Variants in STAB2 observed in about 807,000 individuals in gnomAD.
The protein encoded by STAB2 is stabilin 2.
STAB2 carries 288 observed loss-of-function variants against 338.1 expected under a neutral mutation model. The ratio of observed to expected loss-of-function variants is 0.85; its 90% CI spans 0.77 to 0.94. The LOEUF (loss-of-function observed/expected upper bound fraction) is 0.94, where lower values mean the gene tolerates loss of function less well. Among genes scored for constraint, STAB2 ranks in the 40% least tolerant of loss-of-function variants. STAB2 has a pLI of 0.00. For synonymous variants in STAB2, 1,202 were observed against 1,193.3 expected (o/e 1.01, Z -0.15); for missense variants, 3,141 against 3,210.1 (o/e 0.98, Z 0.52).
At chr12:103,627,416 G>A (rs780357371) in intron 5 of STAB2, among the ~76,000 whole-genome samples, 1 of 152,208 alleles carries the variant, frequency 6.6e-6, no homozygotes, top group African/African-American at 2.4e-5. Context: ...TGTCACAGGA[G>A]CATACCATCC....
chr12:103,762,533 C>G, intron 67 of STAB2, 131 bp downstream of exon 67: 1 of 1,387,780 alleles, frequency 7.2e-7, no homozygotes, highest in Non-Finnish European at 9.9e-7. Flanking sequence ...GTAGCAGGGG[C>G]GGCCACCCAC....
In STAB2 at chr12:103,587,515, G is replaced by C. The variant is rs140037467; in HGVS notation, c.39G>C (p.Leu13Phe). 2 of 1,614,038 alleles carry C rather than the reference G, an allele frequency of 1.2e-6. No homozygotes were observed. Among genetic ancestry groups the C allele is most frequent in the East Asian group, 2.2e-5 (1 of 44,874 alleles). The change falls in exon 1 of 69, where the codon TTG becomes TTC. Residue 13 changes from leucine (L) to phenylalanine (F), a missense_variant. By Grantham distance (22) the Leu-to-Phe change is conservative. Coordinates refer to ENST00000388887, the MANE Select transcript of STAB2 (RefSeq NM_017564.10). ...LQHLVIFCLG[L>F]VVQNFCSPAE... ...ATTTAGTAATTTTTTGTCTTGGATT[G>C]GTTGTACAAAATTTCTGCTCCCCAG...
chr12:103,620,867 T>G (rs185042131), intron 4 of STAB2, among the ~76,000 whole-genome samples: 1 of 151,860 alleles, frequency 6.6e-6, no homozygotes, highest in African/African-American at 2.4e-5. Flanking sequence ...GGAGGCCGAG[T>G]GGGGGAGGAT....
intron 52 of STAB2, among the ~76,000 whole-genome samples, chr12:103,737,052 A>G (rs775054222): frequency 2.6e-5 from 4 of 152,226 alleles, no homozygotes; most frequent in Non-Finnish European, 5.9e-5. Context: ...TCACTTGTAC[A>G]CCCTGGAAAG....
intron 48 of STAB2, 34 bp downstream of exon 48, chr12:103,729,029 C>A: frequency 6.2e-7 from 1 of 1,608,570 alleles, no homozygotes; most frequent in South Asian, 1.1e-5. Context: ...CCTCTCTCCC[C>A]TAGATCATGT....
In STAB2 at chr12:103,706,836, CTGCCCAGGGAA is replaced by C. The variant is rs1879404539; in HGVS notation, c.4049_4059del (p.Gly1350GlufsTer6). 1 of 1,614,140 alleles carries C rather than the reference CTGCCCAGGGAA, an allele frequency of 6.2e-7. No homozygotes were observed. The highest frequency in any genetic ancestry group is 1.3e-5 in the African/African-American group (1 of 74,948). On this transcript the variant is annotated frameshift_variant, in exon 38 of 69. Transcript: ENST00000388887. LOFTEE classifies it high-confidence loss of function. Reference sequence around the variant, plus strand: ...GCTTCTTTGGCCCCCAATGCCAGCCCTGCCCAGGGAATGCCCAGAATGTCTGCTTTGGTAAT... The same window carrying C: ...GCTTCTTTGGCCCCCAATGCCAGCCCTGCCCAGAATGTCTGCTTTGGTAAT...
intron 21 of STAB2, among the ~76,000 whole-genome samples, chr12:103,669,846 A>G (rs78473188): frequency 0.011 from 1,646 of 152,198 alleles, 32 homozygotes; most frequent in African/African-American, 0.037. Flanking sequence ...CTGCTTCTCT[A>G]TTGCGGGCTG....
In STAB2 at chr12:103,762,311, T is replaced by C. The variant is rs775079594; in HGVS notation, c.7397T>C (p.Phe2466Ser). 2 of 1,614,220 alleles carry C rather than the reference T, an allele frequency of 1.2e-6. No homozygotes were observed. The highest frequency in any genetic ancestry group is 1.1e-5 in the South Asian group (1 of 91,088). Residue 2466 changes from phenylalanine to serine, a missense_variant, in exon 67 of 69, where the codon TTT becomes TCT. Transcript: ENST00000388887. ...THTGLGAGIFFAIILVTGAVA... is the reference protein window; with the variant it reads ...THTGLGAGIFSAIILVTGAVA... ...ACTGGCTTGGGAGCAGGGATCTTCT[T>C]TGCCATCATCCTGGTGACTGGGGCT...
At chr12:103,698,749 G>A (rs374558874) in intron 33 of STAB2, among the ~76,000 whole-genome samples, 16 of 152,252 alleles carry the variant, frequency 1.1e-4, no homozygotes, top group African/African-American at 3.1e-4. Flanking sequence ...TCGTGCCCCA[G>A]AGGTGAAAGG....
intron 49 of STAB2, among the ~76,000 whole-genome samples, chr12:103,730,495 T>C (rs891503455): frequency 9.2e-5 from 14 of 152,198 alleles, no homozygotes; most frequent in Non-Finnish European, 2.1e-4. Context: ...TAGTCTTACA[T>C]AGGTTTAGAA....
intron 52 of STAB2, among the ~76,000 whole-genome samples, chr12:103,735,964 TGTCA>T (rs1593302559): frequency 1.3e-5 from 2 of 152,170 alleles, no homozygotes; most frequent in Non-Finnish European, 2.9e-5. Flanking sequence ...AACCCTCTCT[TGTCA>T]GTCAGGGCCA....
intron 25 of STAB2, among the ~76,000 whole-genome samples, chr12:103,678,349 C>G (rs931912479): frequency 1.3e-5 from 2 of 152,194 alleles, no homozygotes; most frequent in African/African-American, 4.8e-5. Context: ...CCTAACCTTG[C>G]TCACCATGAT....
At chr12:103,632,985 C>T (rs1485108538) in intron 6 of STAB2, among the ~76,000 whole-genome samples, 2 of 152,190 alleles carry the variant, frequency 1.3e-5, no homozygotes, top group Non-Finnish European at 2.9e-5. Flanking sequence ...TTATTGGAAG[C>T]GGTTGAGATG....
chr12:103,695,870 GA>G (rs1349715529), intron 33 of STAB2, 26 bp downstream of exon 33: 4 of 1,602,640 alleles, frequency 2.5e-6, no homozygotes, highest in Non-Finnish European at 3.4e-6. Flanking sequence ...TATAACTAGG[GA>G]AGTTATTTTG....
At chr12:103,753,951 G>C (rs533085403) in intron 61 of STAB2, among the ~76,000 whole-genome samples, 1 of 152,328 alleles carries the variant, frequency 6.6e-6, no homozygotes, top group Non-Finnish European at 1.5e-5. Flanking sequence ...GAAGGAAACG[G>C]AGCTCTTTGA....
intron 25 of STAB2, among the ~76,000 whole-genome samples, chr12:103,679,453 C>G (rs993296438): frequency 6.6e-6 from 1 of 152,168 alleles, no homozygotes; most frequent in African/African-American, 2.4e-5. Flanking sequence ...ATGGCATGCT[C>G]TCACCCTAGC....
chr12:103,617,870 C>T (rs1012507414), intron 3 of STAB2, among the ~76,000 whole-genome samples: 3 of 152,166 alleles, frequency 2.0e-5, no homozygotes, highest in Non-Finnish European at 2.9e-5. Context: ...TCTGCCACTG[C>T]TGTGGAAATA....
At position 103,753,263 on chromosome 12, in the gene STAB2, G is replaced by C. The variant is rs1427133845; in HGVS notation, c.6624G>C (p.Gln2208His). The change falls in exon 61 of 69, where the codon CAG becomes CAC. Residue 2208 changes from glutamine to histidine, a missense_variant. Transcript: ENST00000388887. ...TCCATCTACGCTCCCCACTGGGCCAGTATAAGCTGACCTTTGACAAAGCCA... is the reference window on the plus strand; with the variant it reads ...TCCATCTACGCTCCCCACTGGGCCACTATAAGCTGACCTTTGACAAAGCCA... Reference protein sequence around the residue: ...GVFHLRSPLGQYKLTFDKARE... With the variant: ...GVFHLRSPLGHYKLTFDKARE... 6.2e-7 allele frequency: 1 copy of C among 1,614,220 alleles called. No homozygotes were observed. The highest frequency in any genetic ancestry group is 8.5e-7 in the Non-Finnish European group (1 of 1,180,038).
rs1877088113 is a variant in STAB2, at chr12:103,683,261, A to G, written c.2862A>G (p.Ile954Met). Residue 954 changes from isoleucine (I) to methionine (M), a missense_variant, in exon 26 of 69, where the codon ATA becomes ATG. Physicochemically the swap from Ile to Met is conservative, Grantham distance 10. Transcript: ENST00000388887. ...FRGNGIDCEP[I>M]TSCLEQTGKC... ...GAAATGGGATTGACTGTGAACCAAT[A>G]ACTTCATGCTTGGAACAAACCGGGA... 6.2e-7 allele frequency: 1 copy of G among 1,613,296 alleles called. No individual in the cohort carries two copies. Among genetic ancestry groups the G allele is most frequent in the East Asian group, 2.2e-5 (1 of 44,842 alleles).
Sources: gnomAD v4.1 joint callset for allele counts (sites outside exome capture counted in the v4.1 genomes callset) on GRCh38, gnomAD v4.1.1 for gene constraint, MANE v1.5 for transcripts, NCBI Gene and HGNC (gene_info 2026-07-23, HGNC 2026-07-21) for gene names.